B3GALT1: variants seen among roughly 807,000 people sequenced by gnomAD.
The protein encoded by B3GALT1 is beta-1,3-galactosyltransferase 1.
Under a neutral mutation model 23.2 loss-of-function variants are expected in B3GALT1, and 10 were observed. That is an observed-to-expected ratio of 0.43 (90% CI 0.27 to 0.73). The LOEUF (loss-of-function observed/expected upper bound fraction) is 0.73. B3GALT1 is among the 30% of genes least tolerant of loss of function. The probability of loss-of-function intolerance (pLI) is 0.21; values close to 1 mark genes in which losing one functional copy is unlikely to be tolerated. For missense variants in B3GALT1, 299 were observed against 405.4 expected, an observed-to-expected ratio of 0.74 and a Z score of 2.25; for synonymous variants, 156 against 141.5, an observed-to-expected ratio of 1.10 and a Z score of -0.73.
At chr2:167,555,530 T>A (rs968206960) in intron 2 of B3GALT1, among the ~76,000 whole-genome samples, 2 of 152,128 alleles carry the variant, frequency 1.3e-5, no homozygotes, top group Non-Finnish European at 2.9e-5. Flanking sequence ...TTTGCTTACA[T>A]TTTACTTTTA....
At position 167,873,222 on chromosome 2, in the gene B3GALT1, A is replaced by C. The variant is rs1006329712; in HGVS notation, c.*3202A>C. On this transcript the variant is annotated 3_prime_UTR_variant, in exon 5 of 5. Transcript: ENST00000392690. Reference sequence around the variant, plus strand: ...TAACAGTATCAGTGTCTATGTTCTTAAAGTTCCTTTTTTTAATTTACTTTT... The same window carrying C: ...TAACAGTATCAGTGTCTATGTTCTTCAAGTTCCTTTTTTTAATTTACTTTT... 25 of 152,030 alleles carry C rather than the reference A, an allele frequency of 1.6e-4. No homozygotes were observed. The highest frequency in any genetic ancestry group is 5.1e-4 in the African/African-American group (21 of 41,398). The allele number at this position is 152,030 out of a possible 1,614,324, so 9.4% of individuals were successfully genotyped here. A position where few individuals can be genotyped will look rare whatever the true frequency, so the allele number is the denominator to read the frequency against.
rs1397109952 is a variant in B3GALT1 at position 167,557,186 on chromosome 2, T to G, written c.-410+66909T>G. Reference sequence around the variant, plus strand: ...GTTTATACACCTCAAAGTAAATTATTAAGTGACTTGGAGATGGGTTGTGTG... The same window carrying G: ...GTTTATACACCTCAAAGTAAATTATGAAGTGACTTGGAGATGGGTTGTGTG... On this transcript the variant is annotated intron_variant, in intron 2 of 4. Transcript: ENST00000392690. 4.6e-5 allele frequency among the ~76,000 whole-genome samples: 7 copies of G among 152,150 alleles called. No individual in the cohort carries two copies. The East Asian group carries it at 1.2e-3, about 25-fold the overall frequency.
In B3GALT1 at chr2:167,703,977, C is replaced by G. The variant is rs889010748; in HGVS notation, c.-352+57011C>G. 1.2e-4 allele frequency among the ~76,000 whole-genome samples: 19 copies of G among 152,032 alleles called. 1 individual carries two copies. In the South Asian group the frequency reaches 2.1e-3, roughly 17 times the overall value. On this transcript the variant is annotated intron_variant, in intron 3 of 4. Coordinates refer to ENST00000392690, the MANE Select transcript of B3GALT1 (RefSeq NM_020981.4). Reference sequence around the variant, plus strand: ...CGGGCGGATCACGAGGTCAGGAGATCAAGACCTTCCTGGCTAACACGGTGA... The same window carrying G: ...CGGGCGGATCACGAGGTCAGGAGATGAAGACCTTCCTGGCTAACACGGTGA...
intron 3 of B3GALT1, among the ~76,000 whole-genome samples, chr2:167,655,042 T>C (rs1685934422): frequency 6.6e-6 from 1 of 152,160 alleles, no homozygotes; most frequent in Non-Finnish European, 1.5e-5. Context: ...ATCATATAAA[T>C]CTGGAACTAC....
rs140187149 is a variant in B3GALT1 at position 167,553,988 on chromosome 2, C to T, written c.-410+63711C>T. On this transcript the variant is annotated intron_variant, in intron 2 of 4. Transcript: ENST00000392690. Reference sequence around the variant, plus strand: ...TAAGGCACCCATCAAGCATTTCAACCGTACCTGACTAACCATGTTATGGAT... The same window carrying T: ...TAAGGCACCCATCAAGCATTTCAACTGTACCTGACTAACCATGTTATGGAT... Among the ~76,000 whole-genome samples the T allele has an allele frequency of 1.9e-3, 285 of 152,238 alleles. 3 individuals are homozygous for T. The highest frequency in any genetic ancestry group is 3.5e-3 in the Non-Finnish European group (240 of 68,010).
At chr2:167,406,675 G>A (rs778996911) in intron 1 of B3GALT1, among the ~76,000 whole-genome samples, 3 of 152,116 alleles carry the variant, frequency 2.0e-5, no homozygotes, top group Non-Finnish European at 4.4e-5. Flanking sequence ...ATATCCCTGC[G>A]GACAGGCAGA....
At chr2:167,659,841 G>A (rs547418025) in intron 3 of B3GALT1, among the ~76,000 whole-genome samples, 26 of 151,958 alleles carry the variant, frequency 1.7e-4, no homozygotes, top group Non-Finnish European at 2.6e-4. Flanking sequence ...TCTTCCTCGA[G>A]TGGATAAAAT....
intron 2 of B3GALT1, among the ~76,000 whole-genome samples, chr2:167,561,267 GAC>G (rs1443472918): frequency 1.6e-4 from 25 of 152,248 alleles, no homozygotes; most frequent in African/African-American, 5.8e-4. Flanking sequence ...CAAGAACAAA[GAC>G]ACAACATACC....
intron 2 of B3GALT1, among the ~76,000 whole-genome samples, chr2:167,494,401 C>A (rs1699750475): frequency 6.6e-6 from 1 of 150,750 alleles, no homozygotes; most frequent in African/African-American, 2.4e-5. Flanking sequence ...CCTAAGAAGT[C>A]CAAAATAGGA....
intron 3 of B3GALT1, among the ~76,000 whole-genome samples, chr2:167,779,823 T>C (rs1688218034): frequency 6.6e-6 from 1 of 152,216 alleles, no homozygotes; most frequent in South Asian, 2.1e-4. Context: ...GTTATTAATT[T>C]CAGAGTAATC....
intron 3 of B3GALT1, among the ~76,000 whole-genome samples, chr2:167,779,150 T>TCTTCACCCATTCACAGAATGTTACTA (rs58696482): frequency 6.6e-6 from 1 of 152,028 alleles, no homozygotes; most frequent in African/African-American, 2.4e-5. Context: ...CACTCACTTT[T>TCTTCACCCATTCACAGAATGTTACTA]CATATATGCC....
intron 1 of B3GALT1, among the ~76,000 whole-genome samples, chr2:167,485,903 A>T (rs1395328620): frequency 2.6e-5 from 4 of 152,228 alleles, no homozygotes; most frequent in African/African-American, 9.6e-5. Flanking sequence ...GGCTTGTCTT[A>T]GCATTAGATA....
chr2:167,425,657 T>C (rs1259340914), intron 1 of B3GALT1, among the ~76,000 whole-genome samples: 1 of 152,268 alleles, frequency 6.6e-6, no homozygotes. Flanking sequence ...CACAGTCTTT[T>C]TTATTTGATA....
intron 1 of B3GALT1, among the ~76,000 whole-genome samples, chr2:167,321,205 C>A (rs1696806249): frequency 6.6e-6 from 1 of 151,648 alleles, no homozygotes; most frequent in Admixed American, 6.6e-5. Context: ...ACAGAAAAAA[C>A]CTAAGAAAGG....
In B3GALT1 at chr2:167,812,007, C is replaced by T. The variant is rs184527626; in HGVS notation, c.-351-6665C>T. On this transcript the variant is annotated intron_variant, in intron 3 of 4. Coordinates refer to ENST00000392690, the MANE Select transcript of B3GALT1 (RefSeq NM_020981.4). ...ACAGATGTTGGACTATTCTCTCGCC[C>T]ATTTTCCCTATCAACAGATAACAAT... Among the ~76,000 whole-genome samples the T allele has an allele frequency of 7.3e-4, 111 of 152,304 alleles. 1 individual carries two copies. Among genetic ancestry groups the T allele is most frequent in the African/African-American group, 2.5e-3 (106 of 41,570 alleles).
chr2:167,740,098 CTAAATAAATAAATAAA>C (rs57363909), intron 3 of B3GALT1, among the ~76,000 whole-genome samples: 48 of 142,994 alleles, frequency 3.4e-4, no homozygotes, highest in South Asian at 1.6e-3. Flanking sequence ...GACTCTGTCT[CTAAATAAATAAATAAA>C]TAAATAAATA....
At chr2:167,604,715 G>A (rs1684932664) in intron 2 of B3GALT1, among the ~76,000 whole-genome samples, 1 of 152,122 alleles carries the variant, frequency 6.6e-6, no homozygotes, top group Non-Finnish European at 1.5e-5. Context: ...AGAAGCTTAA[G>A]AGAATACCAA....
At chr2:167,380,975 A>G (rs1313686795) in intron 1 of B3GALT1, among the ~76,000 whole-genome samples, 4 of 152,120 alleles carry the variant, frequency 2.6e-5, no homozygotes, top group Non-Finnish European at 4.4e-5. Flanking sequence ...TTTATGTACT[A>G]TCTTGCTGTT....
intron 1 of B3GALT1, among the ~76,000 whole-genome samples, chr2:167,328,260 T>G (rs887716874): frequency 1.3e-5 from 2 of 152,200 alleles, no homozygotes; most frequent in African/African-American, 4.8e-5. Flanking sequence ...GGATTCCTTC[T>G]TCTTCAATTT....
Sources: allele counts gnomAD v4.1 joint callset (sites outside exome capture counted in the v4.1 genomes callset), GRCh38; gene constraint gnomAD v4.1.1; transcripts MANE v1.5; gene names NCBI Gene and HGNC (gene_info 2026-07-23, HGNC 2026-07-21).